COL22A1: variants seen among roughly 807,000 people sequenced by gnomAD.
COL22A1 encodes collagen type XXII alpha 1 chain, also known as collagen alpha-1(XXII) chain.
A neutral mutation model predicts 248.9 loss-of-function variants in COL22A1; 221 were observed. That is an observed-to-expected ratio of 0.89 (90% CI 0.80 to 0.99). The LOEUF (loss-of-function observed/expected upper bound fraction) is 0.99, where lower values mean the gene tolerates loss of function less well. COL22A1 is among the 50% of genes least tolerant of loss of function. The probability of loss-of-function intolerance (pLI) is 0.00; values close to 1 mark genes in which losing one functional copy is unlikely to be tolerated. For synonymous variants in COL22A1, 891 were observed against 793.4 expected (o/e 1.12, Z -2.07); for missense variants, 2,240 against 2,179.0 (o/e 1.03, Z -0.56).
At chr8:138,680,350 T>C (rs1284445024) in intron 39 of COL22A1, among the ~76,000 whole-genome samples, 2 of 152,178 alleles carry the variant, frequency 1.3e-5, no homozygotes, top group African/African-American at 4.8e-5. Context: ...GAAAAGGAAC[T>C]GAGGCTCAGA....
intron 1 of COL22A1, among the ~76,000 whole-genome samples, chr8:138,895,684 A>G (rs1825361095): frequency 6.6e-6 from 1 of 152,172 alleles, no homozygotes; most frequent in Admixed American, 6.5e-5. Context: ...AATAATAGCA[A>G]TATACATAAC....
In COL22A1 at chr8:138,636,767, C is replaced by T. The variant is rs1446309852; in HGVS notation, c.3530G>A (p.Gly1177Asp). 1.9e-6 allele frequency: 3 copies of T among 1,613,390 alleles called. No individual in the cohort carries two copies. Among genetic ancestry groups the T allele is most frequent in the Non-Finnish European group, 2.5e-6 (3 of 1,179,600 alleles). The change falls in exon 48 of 65, where the codon GGT becomes GAT. Residue 1177 changes from glycine (G) to aspartate (D), a missense_variant. By Grantham distance (94) the Gly-to-Asp change is moderately conservative. Coordinates refer to ENST00000303045, the MANE Select transcript of COL22A1 (RefSeq NM_152888.3). Reference sequence around the variant, plus strand: ...CTGATCACCTTTCTGCCCAACCTCACCATCTGCACCACGTTCTCCTTGACT... The same window carrying T: ...CTGATCACCTTTCTGCCCAACCTCATCATCTGCACCACGTTCTCCTTGACT... ...QGSQGERGAD[G>D]EVGQKGDQGH... is the part of the protein sequence containing the mutation.
At chr8:138,714,974 T>A (rs1289976874) in intron 30 of COL22A1, among the ~76,000 whole-genome samples, 1 of 152,072 alleles carries the variant, frequency 6.6e-6, no homozygotes, top group Admixed American at 6.5e-5. Flanking sequence ...GCTAATCATG[T>A]CTATTATACC....
intron 30 of COL22A1, among the ~76,000 whole-genome samples, chr8:138,704,076 G>A (rs553861635): frequency 1.3e-5 from 2 of 152,212 alleles, no homozygotes; most frequent in Non-Finnish European, 2.9e-5. Context: ...GAGGCTGGGG[G>A]AGGGGCGCCC....
chr8:138,806,789 A>G (rs1267628213), intron 10 of COL22A1, among the ~76,000 whole-genome samples: 1 of 152,204 alleles, frequency 6.6e-6, no homozygotes, highest in Non-Finnish European at 1.5e-5. Context: ...CTCCCACTCA[A>G]GCCTGACACA....
At chr8:138,592,848 TA>T (rs1181586024) in intron 63 of COL22A1, among the ~76,000 whole-genome samples, 6 of 152,288 alleles carry the variant, frequency 3.9e-5, no homozygotes, top group South Asian at 2.1e-4. Flanking sequence ...CAGGCAAGCT[TA>T]AAAAAATAGA....
chr8:138,717,039 G>A (rs1829492593), intron 27 of COL22A1, among the ~76,000 whole-genome samples, 170 bp from the exon 28 acceptor site: 1 of 152,124 alleles, frequency 6.6e-6, no homozygotes, highest in Non-Finnish European at 1.5e-5. Context: ...AGACCAAAGT[G>A]TTTAGCATTT....
chr8:138,811,586 TC>T (rs911431022), intron 9 of COL22A1, among the ~76,000 whole-genome samples: 1 of 152,064 alleles, frequency 6.6e-6, no homozygotes, highest in Non-Finnish European at 1.5e-5. Flanking sequence ...CACATTCTGC[TC>T]CTAGAAAGCT....
intron 59 of COL22A1, among the ~76,000 whole-genome samples, chr8:138,604,445 A>T (rs967084868): frequency 6.6e-6 from 1 of 152,220 alleles, no homozygotes; most frequent in African/African-American, 2.4e-5. Context: ...ACCTACAGGT[A>T]TTTGAAGTCA....
At chr8:138,651,401 A>G (rs1822726069) in intron 45 of COL22A1, among the ~76,000 whole-genome samples, 1 of 152,232 alleles carries the variant, frequency 6.6e-6, no homozygotes, top group South Asian at 2.1e-4. Flanking sequence ...TGAATGAATC[A>G]GGCATCCCAA....
intron 3 of COL22A1, among the ~76,000 whole-genome samples, chr8:138,874,427 A>C (rs1823559537): frequency 6.6e-6 from 1 of 152,134 alleles, no homozygotes; most frequent in Admixed American, 6.5e-5. Flanking sequence ...CTGGGCTGGG[A>C]ACTAACTCTA....
At chr8:138,909,615 C>T (rs1264261056) in intron 1 of COL22A1, among the ~76,000 whole-genome samples, 1 of 152,160 alleles carries the variant, frequency 6.6e-6, no homozygotes, top group Non-Finnish European at 1.5e-5. Flanking sequence ...CATCAGAACA[C>T]AGCCAGGGTT....
At position 138,646,674 on chromosome 8, in the gene COL22A1, A is replaced by G; in HGVS notation, c.3456T>C (p.Ala1152=). 1 of 1,580,292 alleles carries G rather than the reference A, an allele frequency of 6.3e-7. No individual in the cohort carries two copies. The change falls in exon 47 of 65, where the codon GCT becomes GCC. Residue 1152 remains alanine, a synonymous_variant. Transcript: ENST00000303045. ...GGGGCCCTGGTAGGCCTGGAGGCCC[A>G]GCCTCTCCCTGTATCAGGGATACAA... The part of the protein sequence containing the change: ...REGTEGKKGE[A]GPPGLPGPPG...
At chr8:138,602,676 G>C (rs1818122188) in intron 59 of COL22A1, among the ~76,000 whole-genome samples, 1 of 152,184 alleles carries the variant, frequency 6.6e-6, no homozygotes, top group Admixed American at 6.6e-5. Flanking sequence ...ATTTAGAGAA[G>C]TGGCCCTCTT....
intron 45 of COL22A1, among the ~76,000 whole-genome samples, chr8:138,653,606 G>T (rs983474449): frequency 6.6e-6 from 1 of 152,050 alleles, no homozygotes; most frequent in Non-Finnish European, 1.5e-5. Flanking sequence ...GACCTCCATG[G>T]GCACAGATCC....
chr8:138,604,735 T>C lies in COL22A1; in HGVS notation c.4139A>G (p.Glu1380Gly). ...GGTGAGTGGGCGTGTGATACTTGCCTCCTTGCCTGGGACTCCTTTCTCTCC... is the reference window on the plus strand; with the variant it reads ...GGTGAGTGGGCGTGTGATACTTGCCCCCTTGCCTGGGACTCCTTTCTCTCC... Reference protein sequence around the residue: ...EPGEKGVPGKEGVPGKPGEPG... With the variant: ...EPGEKGVPGKGGVPGKPGEPG... Residue 1380 changes from glutamate to glycine, a missense_variant and splice_region_variant, in exon 59 of 65, where the codon GAG becomes GGG. Coordinates refer to ENST00000303045, the MANE Select transcript of COL22A1 (RefSeq NM_152888.3). The C allele has an allele frequency of 6.2e-7, 1 of 1,613,094 alleles. No individual in the cohort carries two copies. Among genetic ancestry groups the C allele is most frequent in the Non-Finnish European group, 8.5e-7 (1 of 1,179,606 alleles).
At chr8:138,819,440 A>T (rs538169099) in intron 7 of COL22A1, among the ~76,000 whole-genome samples, 2 of 152,154 alleles carry the variant, frequency 1.3e-5, no homozygotes, top group South Asian at 2.1e-4. Flanking sequence ...TTCCAGTCTC[A>T]ATGGTAATCA....
intron 10 of COL22A1, among the ~76,000 whole-genome samples, chr8:138,805,206 TG>T (rs1248244010): frequency 7.2e-6 from 1 of 138,470 alleles, no homozygotes; most frequent in African/African-American, 2.8e-5. Flanking sequence ...GGGTGTGTGA[TG>T]GGGTGTGTGT....
intron 62 of COL22A1, among the ~76,000 whole-genome samples, chr8:138,595,373 C>T (rs1048700105): frequency 3.9e-5 from 6 of 152,114 alleles, no homozygotes; most frequent in African/African-American, 1.2e-4. Context: ...ATTCTCTATC[C>T]AAACCATTTT....
Sources: gnomAD v4.1 joint callset for allele counts (sites outside exome capture counted in the v4.1 genomes callset) on GRCh38, gnomAD v4.1.1 for gene constraint, MANE v1.5 for transcripts, NCBI Gene and HGNC (gene_info 2026-07-23, HGNC 2026-07-21) for gene names.